The following VPS33A variants were observed in gnomAD, a reference collection of about 807,000 sequenced individuals.
VPS33A encodes vacuolar protein sorting-associated protein 33A.
A neutral mutation model predicts 71.8 loss-of-function variants in VPS33A; 32 were observed. That is an observed-to-expected ratio of 0.45 (90% CI 0.34 to 0.60). The LOEUF (loss-of-function observed/expected upper bound fraction) is 0.60. VPS33A is among the 20% of genes least tolerant of loss of function. The pLI is 0.02. For missense variants in VPS33A, 625 were observed against 748.5 expected (o/e 0.84, Z 1.92); for synonymous variants, 311 against 292.7 (o/e 1.06, Z -0.64).
At chr12:122,234,986 C>T (rs1954610386) in intron 11 of VPS33A, among the ~76,000 whole-genome samples, 1 of 152,140 alleles carries the variant, frequency 6.6e-6, no homozygotes, top group South Asian at 2.1e-4. Flanking sequence ...ACTCTTCCCA[C>T]ATCTTTATTT....
intron 6 of VPS33A, among the ~76,000 whole-genome samples, chr12:122,245,002 C>T (rs1954759091): frequency 6.6e-6 from 1 of 152,194 alleles, no homozygotes; most frequent in South Asian, 2.1e-4. Context: ...ATGTCCACTT[C>T]CTAAACTTAT....
chr12:122,238,770 TACACACACACACACACAC>T lies in VPS33A; in HGVS notation c.1165-64_1165-47del, dbSNP rs57522920. 309 of 873,090 alleles carry T rather than the reference TACACACACACACACACAC, an allele frequency of 3.5e-4. No individual in the cohort carries two copies. The East Asian group carries it at 7.3e-3, about 21-fold the overall frequency. The allele number at this position is 873,090 out of a possible 1,614,324, so 54.1% of individuals were successfully genotyped here. A position where few individuals can be genotyped will look rare whatever the true frequency, so the allele number is the denominator to read the frequency against. On this transcript the variant is annotated intron_variant, in intron 9 of 12. Coordinates refer to ENST00000267199, the MANE Select transcript of VPS33A (RefSeq NM_022916.6). ...ATATACATATACATTTACATATACATACACACACACACACACACACACACACACACACACACAATACAT... is the reference window on the plus strand; with the variant it reads ...ATATACATATACATTTACATATACATACACACACACACACACACAATACAT...
At position 122,247,237 on chromosome 12, in the gene VPS33A, A is replaced by G. The variant is rs565314803; in HGVS notation, c.776-2475T>C. Among the ~76,000 whole-genome samples, 150 of 152,180 alleles carry G rather than the reference A, an allele frequency of 9.9e-4. 4 individuals carry two copies. The highest frequency in any genetic ancestry group is 9.8e-3 in the Admixed American group (150 of 15,274). On this transcript the variant is annotated intron_variant, in intron 6 of 12. Coordinates refer to ENST00000267199, the MANE Select transcript of VPS33A (RefSeq NM_022916.6). ...CTACAAGGAGGCTGGGAATTTATAC[A>G]TATTTTTTCTCTTCTTGGAAAATCC...
At chr12:122,247,312 C>T (rs937794322) in intron 6 of VPS33A, among the ~76,000 whole-genome samples, 2 of 151,758 alleles carry the variant, frequency 1.3e-5, no homozygotes, top group Non-Finnish European at 2.9e-5. Context: ...TGGGCCAACT[C>T]CCAGGCCGCC....
At position 122,232,223 on chromosome 12, in the gene VPS33A, T is replaced by G. The variant is rs1954571619; in HGVS notation, c.*23A>C. 6.3e-7 allele frequency: 1 copy of G among 1,594,988 alleles called. No homozygotes were observed. Among genetic ancestry groups the G allele is most frequent in the Non-Finnish European group, 8.5e-7 (1 of 1,171,276 alleles). Reference sequence around the variant, plus strand: ...AGAGGTAGTTTATTCTGCAGTACACTTGTTAAGTCTCCTCTGAACATCCTA... The same window carrying G: ...AGAGGTAGTTTATTCTGCAGTACACGTGTTAAGTCTCCTCTGAACATCCTA... On this transcript the variant is annotated 3_prime_UTR_variant, in exon 13 of 13. Coordinates refer to ENST00000267199, the MANE Select transcript of VPS33A (RefSeq NM_022916.6).
rs142024054 is a variant in VPS33A at position 122,261,527 on chromosome 12, G to A, written c.297-80C>T. On this transcript the variant is annotated intron_variant, in intron 3 of 12. Transcript: ENST00000267199. ...TTTGCTTTTTTTATCCCCACTGCCT[G>A]GCACATAGCAGGCACTAAATAAATG... The A allele has an allele frequency of 1.5e-3, 1,972 of 1,320,374 alleles. 27 individuals are homozygous for A. In the African/African-American group the frequency reaches 0.026, roughly 17 times the overall value. 81.8% of individuals were successfully genotyped at this position (1,320,374 alleles called of 1,614,324 possible). A position where few individuals can be genotyped will look rare whatever the true frequency, so the allele number is the denominator to read the frequency against.
chr12:122,240,001 T>G, intron 8 of VPS33A, 56 bp from the exon 9 acceptor site: 1 of 1,339,186 alleles, frequency 7.5e-7, no homozygotes, highest in Non-Finnish European at 1.1e-6. Flanking sequence ...TTTACTTGAG[T>G]GGCATGCTTT....
chr12:122,266,168 C>G, intron 1 of VPS33A, 139 bp downstream of exon 1: 1 of 1,276,136 alleles, frequency 7.8e-7, no homozygotes. Context: ...CACAGGGGTG[C>G]AGGTAAAAGG....
intron 11 of VPS33A, among the ~76,000 whole-genome samples, chr12:122,234,300 T>C (rs570099012): frequency 2.0e-5 from 3 of 152,138 alleles, no homozygotes; most frequent in Non-Finnish European, 4.4e-5. Context: ...CTTTTTGAGA[T>C]AGGGTCTCAT....
chr12:122,265,762 A>T (rs1393831496), intron 1 of VPS33A: 1 of 448,286 alleles, frequency 2.2e-6, no homozygotes, highest in Non-Finnish European at 4.5e-6. Flanking sequence ...TGTTTAAAAG[A>T]AATCCTATAA....
rs769345373 is a variant in VPS33A, at chr12:122,238,758, T to C, written c.1165-34A>G. 7.1e-6 allele frequency: 11 copies of C among 1,548,484 alleles called. No individual in the cohort carries two copies. The South Asian group carries it at 1.2e-4, about 17-fold the overall frequency. On this transcript the variant is annotated intron_variant, in intron 9 of 12. Transcript: ENST00000267199. ...AAAGTAGCATACATATACATATACA[T>C]TTACATATACATACACACACACACA...
chr12:122,244,548 G>A (rs1335074400), intron 7 of VPS33A, 21 bp downstream of exon 7: 1 of 1,571,816 alleles, frequency 6.4e-7, no homozygotes, highest in Admixed American at 1.7e-5. Flanking sequence ...GTTGCAGAAT[G>A]ACACCCAAAA....
chr12:122,238,774 C>T (rs774148480), intron 9 of VPS33A, 50 bp from the exon 10 acceptor site: 17 of 459,966 alleles, frequency 3.7e-5, no homozygotes, highest in South Asian at 1.2e-4. Flanking sequence ...TATACATACA[C>T]ACACACACAC....
At chr12:122,242,272 A>T (rs1386751123) in intron 8 of VPS33A, 110 bp downstream of exon 8, 2 of 1,348,728 alleles carry the variant, frequency 1.5e-6, no homozygotes, top group African/African-American at 2.9e-5. Flanking sequence ...CGTGGTATTA[A>T]GACAGAGCTG....
chr12:122,242,921 G>A (rs932790790), intron 7 of VPS33A, among the ~76,000 whole-genome samples: 4 of 152,060 alleles, frequency 2.6e-5, no homozygotes, highest in African/African-American at 9.7e-5. Context: ...GAGAAAGGAA[G>A]AATGGAATAC....
At chr12:122,237,534 CTTTTTTTTTTTTTT>C (rs59918502) in intron 10 of VPS33A, among the ~76,000 whole-genome samples, 4 of 111,792 alleles carry the variant, frequency 3.6e-5, no homozygotes, top group East Asian at 3.0e-4. Flanking sequence ...TAAAGTTTTT[CTTTTTTTTTTTTTT>C]TTTTTTGAGA....
intron 4 of VPS33A, 135 bp from the exon 5 acceptor site, chr12:122,251,234 G>T: frequency 1.5e-6 from 1 of 647,328 alleles, no homozygotes. Context: ...GAAAATTGGG[G>T]ACTCAAGTTC....
At position 122,231,060 on chromosome 12, in the gene VPS33A, A is replaced by C. The variant is rs549564607; in HGVS notation, c.*1186T>G. ...GAAACGAAGTGGCCAGATGCTGAAGAAGCAAGAGTTGCCCCTGCTCACTGT... is the reference window on the plus strand; with the variant it reads ...GAAACGAAGTGGCCAGATGCTGAAGCAGCAAGAGTTGCCCCTGCTCACTGT... On this transcript the variant is annotated 3_prime_UTR_variant, in exon 13 of 13. Transcript: ENST00000267199. The C allele has an allele frequency of 1.2e-4, 18 of 152,446 alleles. No homozygotes were observed. The highest frequency in any genetic ancestry group is 4.1e-4 in the African/African-American group (17 of 41,602). 9.4% of individuals were successfully genotyped at this position (152,446 alleles called of 1,614,324 possible).
chr12:122,232,431 A>C lies in VPS33A; in HGVS notation c.1610-4T>G. On this transcript the variant is annotated splice_region_variant and splice_polypyrimidine_tract_variant and intron_variant, in intron 12 of 12. Coordinates refer to ENST00000267199, the MANE Select transcript of VPS33A (RefSeq NM_022916.6). ...ACTCGGTTTTCTCCCGGTTGACCTA[A>C]AATTTAAACATTTCAGAATTAAAAA... 1 of 1,607,744 alleles carries C rather than the reference A, an allele frequency of 6.2e-7. No individual in the cohort carries two copies. Among genetic ancestry groups the C allele is most frequent in the Non-Finnish European group, 8.5e-7 (1 of 1,177,768 alleles).
Sources: allele counts gnomAD v4.1 joint callset (sites outside exome capture counted in the v4.1 genomes callset), GRCh38; gene constraint gnomAD v4.1.1; transcripts MANE v1.5; gene names NCBI Gene and HGNC (gene_info 2026-07-23, HGNC 2026-07-21).